The following OTUD4 variants were observed in gnomAD, a reference collection of about 807,000 sequenced individuals.
OTUD4 encodes the protein OTU deubiquitinase 4.
Under a neutral mutation model 130.4 loss-of-function variants are expected in OTUD4, and 24 were observed. The observed-to-expected ratio is 0.18, with a 90% CI of 0.13 to 0.26. OTUD4 has a LOEUF of 0.26. Ranked by LOEUF, OTUD4 falls within the 10% of genes least tolerant of loss-of-function variation. The pLI is 1.00. For synonymous variants in OTUD4, 420 were observed against 472.5 expected, an observed-to-expected ratio of 0.89 and a Z score of 1.44; for missense variants, 1,031 against 1,329.4, an observed-to-expected ratio of 0.78 and a Z score of 3.49.
intron 4 of OTUD4, among the ~76,000 whole-genome samples, chr4:145,164,541 C>G (rs746983539): frequency 2.9e-4 from 44 of 151,856 alleles, no homozygotes; most frequent in Non-Finnish European, 2.9e-4. Flanking sequence ...AAGTATTTAC[C>G]TGCTCCTCTA....
At chr4:145,172,776 T>C (rs1049160639) in intron 2 of OTUD4, among the ~76,000 whole-genome samples, 3 of 151,972 alleles carry the variant, frequency 2.0e-5, no homozygotes, top group African/African-American at 7.3e-5. Context: ...AAAAGAGCCA[T>C]ATATATTAAA....
At chr4:145,169,070 A>C (rs1254614638) in intron 3 of OTUD4, among the ~76,000 whole-genome samples, 1 of 152,252 alleles carries the variant, frequency 6.6e-6, no homozygotes, top group African/African-American at 2.4e-5. Context: ...CATTCCACTT[A>C]TATGCATCTA....
At chr4:145,168,701 T>C (rs1751998500) in intron 3 of OTUD4, among the ~76,000 whole-genome samples, 1 of 152,212 alleles carries the variant, frequency 6.6e-6, no homozygotes, top group East Asian at 1.9e-4. Context: ...TCTCATAATA[T>C]TGCTGATGAG....
chr4:145,174,784 G>GT, intron 1 of OTUD4, 40 bp from the exon 2 acceptor site: 1 of 1,150,842 alleles, frequency 8.7e-7, no homozygotes, highest in Non-Finnish European at 1.3e-6. Flanking sequence ...TAAGCATTTA[G>GT]TTAAAAGTTA....
At chr4:145,155,018 G>A (rs2126769075) in intron 10 of OTUD4, among the ~76,000 whole-genome samples, 1 of 152,214 alleles carries the variant, frequency 6.6e-6, no homozygotes, top group South Asian at 2.1e-4. Context: ...TAAATATTGT[G>A]TACGTATCAA....
At chr4:145,174,961 C>T (rs1402999540) in intron 1 of OTUD4, among the ~76,000 whole-genome samples, 1 of 152,138 alleles carries the variant, frequency 6.6e-6, no homozygotes, top group Admixed American at 6.5e-5. Flanking sequence ...CTTCTTAAGC[C>T]AAATTTGTAA....
In OTUD4 at chr4:145,150,895, T is replaced by C. The variant is rs1751036753; in HGVS notation, c.979A>G (p.Lys327Glu). The C allele has an allele frequency of 1.9e-6, 3 of 1,612,240 alleles. No homozygotes were observed. The highest frequency in any genetic ancestry group is 2.2e-5 in the East Asian group (1 of 44,854). Reference protein sequence around the residue: ...VEELGKKHTSKNLKAPPPESW... With the variant: ...VEELGKKHTSENLKAPPPESW... ...TCTGGGGGAGGTGCCTTGAGGTTCT[T>C]TGATGTGTGCCTTCAAAGGGGAAAA... is the stretch of plus-strand genomic sequence containing the variant. Residue 327 changes from lysine to glutamate, a missense_variant, in exon 12 of 21, where the codon AAG becomes GAG. Transcript: ENST00000447906.
In OTUD4 at chr4:145,144,426, T is replaced by C. The variant is rs1201591253; in HGVS notation, c.1431A>G (p.Ser477=). The C allele has an allele frequency of 6.2e-7, 1 of 1,610,468 alleles. No individual in the cohort carries two copies. The highest frequency in any genetic ancestry group is 2.2e-5 in the East Asian group (1 of 44,778). ...TACTCTGAGAAGCTGACTGATTGAC[T>C]GATGAGCTCTTTAAAATGAACAAAA... The part of the protein sequence containing the change: ...EQAFPALSSS[S]VNQSASQSSN... The change falls in exon 15 of 21, where the codon TCA becomes TCG. Residue 477 remains serine (S), a synonymous_variant. Transcript: ENST00000447906.
At chr4:145,147,253 T>C (rs1750867602) in intron 13 of OTUD4, among the ~76,000 whole-genome samples, 1 of 151,584 alleles carries the variant, frequency 6.6e-6, no homozygotes. Context: ...GTTATCTGAT[T>C]TTTTTTTAAC....
At chr4:145,163,036 CTTA>C (rs1450387459) in intron 5 of OTUD4, among the ~76,000 whole-genome samples, 2 of 152,046 alleles carry the variant, frequency 1.3e-5, no homozygotes, top group South Asian at 2.1e-4. Flanking sequence ...ATTTCAAAAC[CTTA>C]TTAATGCTAA....
intron 13 of OTUD4, among the ~76,000 whole-genome samples, chr4:145,146,765 T>G (rs997789129): frequency 2.0e-5 from 3 of 152,208 alleles, no homozygotes; most frequent in African/African-American, 7.2e-5. Context: ...TGTATATACT[T>G]GTTATACCAT....
chr4:145,134,628 A>C lies in OTUD4; in HGVS notation c.*2802T>G. ...GGGAAAACCTATGCTTGCCAGGACA[A>C]GGCAGGGTCTGAGCTTAGGTCTGCC... On this transcript the variant is annotated 3_prime_UTR_variant, in exon 21 of 21. Transcript: ENST00000447906. 2.5e-6 allele frequency: 1 copy of C among 398,430 alleles called. No homozygotes were observed. 24.7% of individuals were successfully genotyped at this position (398,430 alleles called of 1,614,324 possible). A position where few individuals can be genotyped will look rare whatever the true frequency, so the allele number is the denominator to read the frequency against.
At position 145,179,961 on chromosome 4, in the gene OTUD4, C is replaced by A; in HGVS notation, c.13G>T (p.Val5Phe). Residue 5 changes from valine to phenylalanine, a missense_variant, in exon 1 of 21, where the codon GTC becomes TTC. Val to Phe is a conservative substitution (Grantham distance 50). This residue lies in a region of OTUD4 where 54 missense variants were observed against 60.6 expected (regional missense o/e 0.89). Coordinates refer to ENST00000447906, the MANE Select transcript of OTUD4 (RefSeq NM_001366057.1). ...TGGTCCCCGCCGTCGGGGACGCCGA[C>A]GGCAGCCTCCATGTTGCTGGTCCTG... MEAA[V>F]GVPDGGDQGG... 5 of 1,519,432 alleles carry A rather than the reference C, an allele frequency of 3.3e-6. No individual in the cohort carries two copies. Among genetic ancestry groups the A allele is most frequent in the Non-Finnish European group, 4.4e-6 (5 of 1,140,826 alleles). 94.1% of individuals were successfully genotyped at this position (1,519,432 alleles called of 1,614,324 possible). A position where few individuals can be genotyped will look rare whatever the true frequency, so the allele number is the denominator to read the frequency against.
Position 145,137,878 on chromosome 4 carries a change from T to A in OTUD4, c.2897A>T (p.Gln966Leu), listed in dbSNP as rs1750359028. Residue 966 changes from glutamine to leucine, a missense_variant, in exon 21 of 21, where the codon CAG (glutamine) becomes CTG (leucine). Gln to Leu is a moderately radical substitution (Grantham distance 113). Around this residue, in one of 3 missense-constraint regions of OTUD4, gnomAD observed 900 missense variants for 1,095.9 expected, o/e 0.82. Coordinates refer to ENST00000447906, the MANE Select transcript of OTUD4 (RefSeq NM_001366057.1). ...AGTTTCTCTCTCTCTGTTTAGAATC[T>A]GAGTGGGAGGATGAGCCTTTCCCTC... ...VAEGKAHPPT[Q>L]ILNRERETVP... The A allele has an allele frequency of 3.1e-6, 5 of 1,614,164 alleles. No individual in the cohort carries two copies. Among genetic ancestry groups the A allele is most frequent in the Non-Finnish European group, 4.2e-6 (5 of 1,180,016 alleles).
chr4:145,138,320 G>T lies in OTUD4; in HGVS notation c.2455C>A (p.Pro819Thr), dbSNP rs141465457. 1.9e-6 allele frequency: 3 copies of T among 1,614,010 alleles called. No individual in the cohort carries two copies. The highest frequency in any genetic ancestry group is 2.5e-6 in the Non-Finnish European group (3 of 1,180,028). ...SYQADLESET[P>T]GQLLHADYEE... ...TAATCAGCATGCAGAAGCTGCCCAG[G>T]GGTCTCAGATTCAAGATCAGCCTGG... The change falls in exon 21 of 21, where the codon CCT becomes ACT. Residue 819 changes from proline (P) to threonine (T), a missense_variant. By Grantham distance (38) the Pro-to-Thr change is conservative (BLOSUM62 -1). This residue lies in a region of OTUD4 where 900 missense variants were observed against 1,095.9 expected (regional missense o/e 0.82). Transcript: ENST00000447906.
rs529965694 is a variant in OTUD4, at chr4:145,173,936, A to C, written c.243+725T>G. On this transcript the variant is annotated intron_variant, in intron 2 of 20. Coordinates refer to ENST00000447906, the MANE Select transcript of OTUD4 (RefSeq NM_001366057.1). ...GAACCCTGAAAATTAAAAACCTATG[A>C]ATGCCTTCTGATAAAATTAAGGGTT... Among the ~76,000 whole-genome samples the C allele has an allele frequency of 2.2e-4, 34 of 152,268 alleles. 1 individual carries two copies. The highest frequency in any genetic ancestry group is 6.2e-4 in the South Asian group (3 of 4,824).
chr4:145,142,457 A>G (rs1274258530), intron 17 of OTUD4, 123 bp from the exon 18 acceptor site: 5 of 763,112 alleles, frequency 6.6e-6, no homozygotes, highest in Non-Finnish European at 1.1e-5. Context: ...AAGTACAAAT[A>G]GCCCTTATAG....
chr4:145,179,659 C>T (rs935205155), intron 1 of OTUD4, 156 bp downstream of exon 1: 17 of 1,404,334 alleles, frequency 1.2e-5, no homozygotes, highest in African/African-American at 1.5e-5. Context: ...AAAGCAGCGT[C>T]CCACTCCGGC....
chr4:145,146,243 T>C, intron 14 of OTUD4, 24 bp downstream of exon 14: 1 of 1,460,234 alleles, frequency 6.8e-7, no homozygotes. Flanking sequence ...TATAATGACT[T>C]TTAAACTGTC....
Sources: gnomAD v4.1 joint callset for allele counts (sites outside exome capture counted in the v4.1 genomes callset) on GRCh38, gnomAD v4.1.1 for gene constraint, gnomAD v4.1.1 regional missense constraint, MANE v1.5 for transcripts, NCBI Gene and HGNC (gene_info 2026-07-23, HGNC 2026-07-21) for gene names.